The following S100A11 variants were observed in gnomAD, a reference collection of about 807,000 sequenced individuals.
S100A11 encodes the protein protein S100-A11.
A neutral mutation model predicts 7.4 loss-of-function variants in S100A11; 5 were observed. That is an observed-to-expected ratio of 0.68 (90% CI 0.35 to 1.42). The LOEUF is 1.42. Among genes scored for constraint, S100A11 ranks in the 40% most tolerant of loss-of-function variants. S100A11 has a pLI of 0.04. For missense variants in S100A11, 96 were observed against 125.0 expected, an observed-to-expected ratio of 0.77 and a Z score of 1.11; for synonymous variants, 47 against 46.6, an observed-to-expected ratio of 1.01 and a Z score of -0.04.
At position 152,032,764 on chromosome 1, in the gene S100A11, A is replaced by G; in HGVS notation, c.216T>C (p.Asp72=). The change falls in exon 3 of 3, where the codon GAT becomes GAC. Residue 72 remains aspartate, a synonymous_variant. Transcript: ENST00000271638. The stretch of plus-strand genomic sequence containing the variant: ...GAAATTCTGAGAAATCTAGCTGACC[A>G]TCACTGTTGGTGTCCAGTTTCTTCA... ...RMMKKLDTNS[D]GQLDFSEFLN... is the part of the protein sequence containing the mutation. 6.2e-7 allele frequency: 1 copy of G among 1,614,052 alleles called. No homozygotes were observed. The highest frequency in any genetic ancestry group is 8.5e-7 in the Non-Finnish European group (1 of 1,179,872).
At position 152,033,615 on chromosome 1, in the gene S100A11, G is replaced by A. The variant is rs80277426; in HGVS notation, c.156+33C>T. 1,282 of 1,607,032 alleles carry A rather than the reference G, an allele frequency of 8.0e-4. 30 individuals carry two copies. In the East Asian group the frequency reaches 0.017, roughly 22 times the overall value. ...AGGGTCTTGTTTCATGTTGTGGGTAGTTTGGGGAAGTGGGGGAGACAGGGA... is the reference window on the plus strand; with the variant it reads ...AGGGTCTTGTTTCATGTTGTGGGTAATTTGGGGAAGTGGGGGAGACAGGGA... On this transcript the variant is annotated intron_variant, in intron 2 of 2. Coordinates refer to ENST00000271638, the MANE Select transcript of S100A11 (RefSeq NM_005620.2). This position sits in a 1 kb window ranked among gnomAD's most constrained non-coding sequence, Gnocchi z 4.0.
chr1:152,032,701 G>C lies in S100A11; in HGVS notation c.279C>G (p.Asp93Glu). ...LIGGLAMACH[D>E]SFLKAVPSQK... is the part of the protein sequence containing the mutation. ...GGGAAGGGACAGCCTTGAGGAAGGAGTCATGGCAAGCCATAGCTAGGCCAC... is the reference window on the plus strand; with the variant it reads ...GGGAAGGGACAGCCTTGAGGAAGGACTCATGGCAAGCCATAGCTAGGCCAC... Residue 93 changes from aspartate to glutamate, a missense_variant, in exon 3 of 3, where the codon GAC becomes GAG. Asp to Glu is a conservative substitution (Grantham distance 45, BLOSUM62 2). Transcript: ENST00000271638. The C allele has an allele frequency of 6.2e-7, 1 of 1,613,890 alleles. No individual in the cohort carries two copies.
intron 1 of S100A11, among the ~76,000 whole-genome samples, chr1:152,036,701 T>G (rs956441743): frequency 1.3e-5 from 2 of 151,888 alleles, no homozygotes; most frequent in Middle Eastern, 3.4e-3. Flanking sequence ...GAACCTCCGC[T>G]GCTACCCTAG....
chr1:152,035,238 A>T (rs16833797), intron 1 of S100A11, among the ~76,000 whole-genome samples: 3,667 of 152,254 alleles, frequency 0.024, 150 homozygotes, highest in African/African-American at 0.084. Context: ...CATGCCCTTC[A>T]TATCAGGCCT....
At chr1:152,036,056 CAGAA>C (rs1216493491) in intron 1 of S100A11, among the ~76,000 whole-genome samples, 1 of 152,136 alleles carries the variant, frequency 6.6e-6, no homozygotes, top group Non-Finnish European at 1.5e-5. Flanking sequence ...TTTCACATGT[CAGAA>C]AGTATTTTTC....
intron 1 of S100A11, among the ~76,000 whole-genome samples, chr1:152,035,269 A>T (rs889971237): frequency 6.6e-6 from 1 of 152,228 alleles, no homozygotes; most frequent in Non-Finnish European, 1.5e-5. Context: ...TGTCTTACTA[A>T]GGTATCAGAT....
In S100A11 at chr1:152,032,533, T is replaced by G; in HGVS notation, c.*129A>C. On this transcript the variant is annotated 3_prime_UTR_variant, in exon 3 of 3. Coordinates refer to ENST00000271638, the MANE Select transcript of S100A11 (RefSeq NM_005620.2). ...CATGTTTTAAAAAAGTGACATTGCT[T>G]TATTACTATTGGCAGGTGGGGCCTG... 1.4e-6 allele frequency: 1 copy of G among 715,112 alleles called. No individual in the cohort carries two copies. Among genetic ancestry groups the G allele is most frequent in the Non-Finnish European group, 2.3e-6 (1 of 438,756 alleles). 44.3% of individuals were successfully genotyped at this position (715,112 alleles called of 1,614,324 possible).
rs959771434 is a variant in S100A11, at chr1:152,032,796, G to A, written c.184C>T (p.Arg62Cys). 3.1e-6 allele frequency: 5 copies of A among 1,613,090 alleles called. No homozygotes were observed. The highest frequency in any genetic ancestry group is 1.1e-5 in the South Asian group (1 of 91,062). ...TTGGTGTCCAGTTTCTTCATCATGCGGTCAAGGACACCAGGGTCCTTCTGG... is the reference window on the plus strand; with the variant it reads ...TTGGTGTCCAGTTTCTTCATCATGCAGTCAAGGACACCAGGGTCCTTCTGG... ...KNQKDPGVLD[R>C]MMKKLDTNSD... Residue 62 changes from arginine to cysteine, a missense_variant, in exon 3 of 3, where the codon CGC (arginine) becomes TGC (cysteine). Physicochemically the swap from Arg to Cys is radical, Grantham distance 180 (BLOSUM62 -3). Coordinates refer to ENST00000271638, the MANE Select transcript of S100A11 (RefSeq NM_005620.2).
chr1:152,033,513 C>T lies in S100A11; in HGVS notation c.156+135G>A. On this transcript the variant is annotated intron_variant, in intron 2 of 2. Coordinates refer to ENST00000271638, the MANE Select transcript of S100A11 (RefSeq NM_005620.2). This position sits in a 1 kb window ranked among gnomAD's most constrained non-coding sequence, Gnocchi z 4.0. The stretch of plus-strand genomic sequence containing the variant: ...ATCTCTCTTCCTAAATGGAAAAACT[C>T]CTGGCTTAGAGTGAGTTAAAATGAA... 1 of 768,268 alleles carries T rather than the reference C, an allele frequency of 1.3e-6. No homozygotes were observed. Among genetic ancestry groups the T allele is most frequent in the Non-Finnish European group, 2.2e-6 (1 of 456,310 alleles). The allele number at this position is 768,268 out of a possible 1,614,324, so 47.6% of individuals were successfully genotyped here. A position where few individuals can be genotyped will look rare whatever the true frequency, so the allele number is the denominator to read the frequency against.
rs1239964378 is a variant in S100A11, at chr1:152,033,061, G to A, written c.157-238C>T. Among the ~76,000 whole-genome samples, 1 of 152,166 alleles carries A rather than the reference G, an allele frequency of 6.6e-6. No homozygotes were observed. Among genetic ancestry groups the A allele is most frequent in the Non-Finnish European group, 1.5e-5 (1 of 68,030 alleles). ...CCAGGGCTCTTTCTATGATATTAGGGGCTATTCAGTTTTGTAAAGCCAGTG... is the reference window on the plus strand; with the variant it reads ...CCAGGGCTCTTTCTATGATATTAGGAGCTATTCAGTTTTGTAAAGCCAGTG... On this transcript the variant is annotated intron_variant, in intron 2 of 2. Coordinates refer to ENST00000271638, the MANE Select transcript of S100A11 (RefSeq NM_005620.2). The surrounding 1 kb of genome is among the most constrained non-coding windows in gnomAD (Gnocchi z 4.0).
At position 152,032,670 on chromosome 1, in the gene S100A11, G is replaced by C. The variant is rs150203604; in HGVS notation, c.310C>G (p.Arg104Gly). ...SFLKAVPSQK[R>G]T Reference sequence around the variant, plus strand: ...CCAGGGCCAAGGGGTCCTCAGGTCCGCTTCTGGGAAGGGACAGCCTTGAGG... The same window carrying C: ...CCAGGGCCAAGGGGTCCTCAGGTCCCCTTCTGGGAAGGGACAGCCTTGAGG... The change falls in exon 3 of 3, where the codon CGG (arginine) becomes GGG (glycine). Residue 104 changes from arginine (R) to glycine (G), a missense_variant. Transcript: ENST00000271638. 166 of 1,610,156 alleles carry C rather than the reference G, an allele frequency of 1.0e-4. 2 individuals are homozygous for C. In the African/African-American group the frequency reaches 1.9e-3, roughly 18 times the overall value.
In S100A11 at chr1:152,033,634, A is replaced by C. The variant is rs375575027; in HGVS notation, c.156+14T>G. The C allele has an allele frequency of 2.9e-5, 47 of 1,610,932 alleles. No individual in the cohort carries two copies. The highest frequency in any genetic ancestry group is 3.9e-5 in the Non-Finnish European group (46 of 1,178,758). On this transcript the variant is annotated intron_variant, in intron 2 of 2. Transcript: ENST00000271638. The surrounding 1 kb of genome is among the most constrained non-coding windows in gnomAD (Gnocchi z 4.0). Reference sequence around the variant, plus strand: ...TGGGTAGTTTGGGGAAGTGGGGGAGACAGGGACCAGTACCTTTGTGAAGGC... The same window carrying C: ...TGGGTAGTTTGGGGAAGTGGGGGAGCCAGGGACCAGTACCTTTGTGAAGGC...
rs754870480 is a variant in S100A11 at position 152,033,762 on chromosome 1, G to A, written c.42C>T (p.Ile14=). Residue 14 remains isoleucine (I), a synonymous_variant, in exon 2 of 3, where the codon ATC becomes ATT. Coordinates refer to ENST00000271638, the MANE Select transcript of S100A11 (RefSeq NM_005620.2). The surrounding 1 kb of genome is among the most constrained non-coding windows in gnomAD (Gnocchi z 4.0). ...ISSPTETERC[I]ESLIAVFQKY... is the part of the protein sequence containing the mutation. ...TCTGGAAGACAGCAATCAGGGACTC[G>A]ATGCACCGCTCAGTCTCTGTAGGGC... 2.3e-5 allele frequency: 37 copies of A among 1,613,698 alleles called. No individual in the cohort carries two copies. Among genetic ancestry groups the A allele is most frequent in the Non-Finnish European group, 2.8e-5 (33 of 1,179,780 alleles).
Position 152,032,833 on chromosome 1 carries a change from A to C in S100A11, c.157-10T>G. On this transcript the variant is annotated splice_polypyrimidine_tract_variant and intron_variant, in intron 2 of 2. Transcript: ENST00000271638. ...CAGGGTCCTTCTGGTTCTGCAGAGA[A>C]AATAATAATTACACCTTTATATCGC... The C allele has an allele frequency of 6.3e-7, 1 of 1,595,120 alleles. No homozygotes were observed. The highest frequency in any genetic ancestry group is 8.6e-7 in the Non-Finnish European group (1 of 1,168,014).
chr1:152,036,969 C>G lies in S100A11; in HGVS notation c.-54G>C. 1 of 1,612,286 alleles carries G rather than the reference C, an allele frequency of 6.2e-7. No homozygotes were observed. Among genetic ancestry groups the G allele is most frequent in the Non-Finnish European group, 8.5e-7 (1 of 1,179,538 alleles). On this transcript the variant is annotated 5_prime_UTR_variant, in exon 1 of 3. Coordinates refer to ENST00000271638, the MANE Select transcript of S100A11 (RefSeq NM_005620.2). ...GTGGCTGGGAGCGGCGCTGAGAGCT[C>G]TGTGCGCGCGGCGTGCGGGTCTGGA...
intron 1 of S100A11, among the ~76,000 whole-genome samples, chr1:152,034,178 G>A (rs1216032680): frequency 6.6e-6 from 1 of 152,182 alleles, no homozygotes; most frequent in East Asian, 1.9e-4. Flanking sequence ...TTGTCTATAG[G>A]TTAATAATTT....
Position 152,036,746 on chromosome 1 carries a change from C to T in S100A11, c.3+167G>A, listed in dbSNP as rs1322513955. Among the ~76,000 whole-genome samples, 2 of 152,226 alleles carry T rather than the reference C, an allele frequency of 1.3e-5. 1 individual carries two copies. The highest frequency in any genetic ancestry group is 4.1e-4 in the South Asian group (2 of 4,832). ...CCAAGGATGATTTTAGGGCTTCATC[C>T]TTCCATCCCTTCTTCCCCAGTTCCC... On this transcript the variant is annotated intron_variant, in intron 1 of 2. Transcript: ENST00000271638.
chr1:152,035,446 T>A (rs1360390828), intron 1 of S100A11, among the ~76,000 whole-genome samples: 4 of 152,216 alleles, frequency 2.6e-5, no homozygotes. Context: ...TTTCTCTCCT[T>A]AACATCAGTC....
chr1:152,034,176 A>G (rs772268979), intron 1 of S100A11, among the ~76,000 whole-genome samples: 4 of 152,272 alleles, frequency 2.6e-5, no homozygotes, highest in Admixed American at 6.5e-5. Context: ...CATTGTCTAT[A>G]GGTTAATAAT....
Sources: gnomAD v4.1 joint callset for allele counts (sites outside exome capture counted in the v4.1 genomes callset) on GRCh38, gnomAD v4.1.1 for gene constraint, Gnocchi (gnomAD v3.1) non-coding constraint, MANE v1.5 for transcripts, NCBI Gene and HGNC (gene_info 2026-07-23, HGNC 2026-07-21) for gene names.